TM9SF2: variants seen among roughly 807,000 people sequenced by gnomAD.
The protein encoded by TM9SF2 is 76 kDa membrane protein.
TM9SF2 carries 13 observed loss-of-function variants against 84.9 expected under a neutral mutation model. The ratio of observed to expected loss-of-function variants is 0.15; its 90% CI spans 0.10 to 0.24. TM9SF2 has a LOEUF of 0.24. TM9SF2 is among the 10% of genes least tolerant of loss of function. The probability of loss-of-function intolerance (pLI) is 1.00; values close to 1 mark genes in which losing one functional copy is unlikely to be tolerated. For missense variants in TM9SF2, 562 were observed against 818.5 expected (o/e 0.69, Z 3.82); for synonymous variants, 273 against 285.8 (o/e 0.96, Z 0.45).
At chr13:99,537,543 A>G (rs1268892292) in intron 5 of TM9SF2, among the ~76,000 whole-genome samples, 196 bp from the exon 6 acceptor site, 1 of 152,228 alleles carries the variant, frequency 6.6e-6, no homozygotes, top group Non-Finnish European at 1.5e-5. Context: ...AAAAACTGTA[A>G]GAAGCATATA....
At chr13:99,527,825 G>A (rs1276119318) in intron 3 of TM9SF2, among the ~76,000 whole-genome samples, 2 of 152,192 alleles carry the variant, frequency 1.3e-5, no homozygotes, top group African/African-American at 4.8e-5. Context: ...ACACGTTTCT[G>A]TATTTAATCC....
chr13:99,531,301 G>T (rs1313573744), intron 4 of TM9SF2, among the ~76,000 whole-genome samples: 3 of 152,190 alleles, frequency 2.0e-5, no homozygotes, highest in Non-Finnish European at 4.4e-5. Context: ...TCTAGAAAGT[G>T]TAAGATGCTT....
intron 2 of TM9SF2, 42 bp from the exon 3 acceptor site, chr13:99,519,994 C>A: frequency 1.3e-6 from 2 of 1,572,624 alleles, no homozygotes; most frequent in Non-Finnish European, 1.7e-6. Flanking sequence ...GATATTTCAT[C>A]GTTCCCTTTT....
Position 99,513,052 on chromosome 13 carries a change from A to G in TM9SF2, c.172-4562A>G, listed in dbSNP as rs142407353. On this transcript the variant is annotated intron_variant, in intron 1 of 16. Coordinates refer to ENST00000376387, the MANE Select transcript of TM9SF2 (RefSeq NM_004800.3). Reference sequence around the variant, plus strand: ...AATTTGCTCAAGGACAAATTGAGAAAGTATATCTGAAGAGAAACAGTTACC... The same window carrying G: ...AATTTGCTCAAGGACAAATTGAGAAGGTATATCTGAAGAGAAACAGTTACC... Among the ~76,000 whole-genome samples, 1,422 of 152,364 alleles carry G rather than the reference A, an allele frequency of 9.3e-3. 9 individuals are homozygous for G. Among genetic ancestry groups the G allele is most frequent in the Non-Finnish European group, 0.015 (1,052 of 68,040 alleles).
intron 1 of TM9SF2, among the ~76,000 whole-genome samples, chr13:99,515,862 A>G (rs1467748067): frequency 6.6e-6 from 1 of 151,526 alleles, no homozygotes; most frequent in African/African-American, 2.4e-5. Flanking sequence ...CCTCCCCAGT[A>G]GCTGGGATTA....
chr13:99,549,288 G>A (rs563487736), intron 12 of TM9SF2, 66 bp downstream of exon 12: 16 of 1,333,296 alleles, frequency 1.2e-5, no homozygotes, highest in Middle Eastern at 1.8e-4. Flanking sequence ...ATTTTCAGTC[G>A]TTGAGTCTTT....
chr13:99,501,799 C>T, intron 1 of TM9SF2, 22 bp downstream of exon 1: 7 of 1,594,986 alleles, frequency 4.4e-6, no homozygotes, highest in South Asian at 1.1e-5. Flanking sequence ...CTGACGAGCC[C>T]TCTGATGCAC....
At chr13:99,540,557 C>T (rs1161000976) in intron 7 of TM9SF2, 157 bp from the exon 8 acceptor site, 8 of 266,152 alleles carry the variant, frequency 3.0e-5, no homozygotes, top group South Asian at 2.5e-4. Flanking sequence ...TTTAGTAAAT[C>T]TGAAACTCTC....
intron 1 of TM9SF2, among the ~76,000 whole-genome samples, chr13:99,515,979 G>A (rs1022024928): frequency 1.3e-5 from 2 of 152,178 alleles, no homozygotes; most frequent in South Asian, 2.1e-4. Context: ...TGATCCGCCC[G>A]CCTTGGCCTC....
At chr13:99,540,594 A>T (rs2046254586) in intron 7 of TM9SF2, 120 bp from the exon 8 acceptor site, 2 of 647,100 alleles carry the variant, frequency 3.1e-6, no homozygotes, top group East Asian at 5.7e-5. Flanking sequence ...CCAAAGTTAG[A>T]TAATTTAGAA....
chr13:99,550,087 A>G (rs1292536566), intron 12 of TM9SF2, among the ~76,000 whole-genome samples: 1 of 152,150 alleles, frequency 6.6e-6, no homozygotes, highest in East Asian at 1.9e-4. Flanking sequence ...TTCCTGCAGA[A>G]TCTCCGAATC....
At chr13:99,524,782 C>T (rs1410574155) in intron 3 of TM9SF2, among the ~76,000 whole-genome samples, 4 of 151,848 alleles carry the variant, frequency 2.6e-5, no homozygotes, top group East Asian at 2.0e-4. Context: ...AGGCTGGTCT[C>T]GAACTCCTGA....
intron 15 of TM9SF2, among the ~76,000 whole-genome samples, chr13:99,559,053 A>G (rs1182660815): frequency 6.6e-6 from 1 of 152,230 alleles, no homozygotes; most frequent in Non-Finnish European, 1.5e-5. Context: ...CTATTTGCAC[A>G]TCGCTTTTCT....
At chr13:99,512,565 GCTATGTA>G (rs886432923) in intron 1 of TM9SF2, among the ~76,000 whole-genome samples, 21 of 152,292 alleles carry the variant, frequency 1.4e-4, no homozygotes, top group African/African-American at 4.6e-4. Context: ...CCCCCCGTGG[GCTATGTA>G]CTGAAATGGA....
chr13:99,531,219 ATTC>A (rs1164665310), intron 4 of TM9SF2, among the ~76,000 whole-genome samples: 1 of 152,144 alleles, frequency 6.6e-6, no homozygotes, highest in Non-Finnish European at 1.5e-5. Flanking sequence ...AACCATTGCT[ATTC>A]TTCTGAGTAA....
At chr13:99,503,748 T>C (rs2046077390) in intron 1 of TM9SF2, among the ~76,000 whole-genome samples, 1 of 149,468 alleles carries the variant, frequency 6.7e-6, no homozygotes. Context: ...AGAAGTGACA[T>C]TTGAGATGGA....
intron 1 of TM9SF2, among the ~76,000 whole-genome samples, chr13:99,510,004 T>C (rs1240329298): frequency 2.6e-5 from 4 of 152,240 alleles, no homozygotes; most frequent in Non-Finnish European, 4.4e-5. Context: ...ACCTCTTGAA[T>C]ACTTTGCTGC....
intron 7 of TM9SF2, chr13:99,540,367 AATT>A (rs1453052057): frequency 6.4e-6 from 1 of 156,554 alleles, no homozygotes; most frequent in East Asian, 1.8e-4. Context: ...AGAAAAGAAT[AATT>A]ATTCCATTCC....
intron 1 of TM9SF2, among the ~76,000 whole-genome samples, chr13:99,502,000 TC>T (rs905176952): frequency 1.7e-4 from 26 of 152,340 alleles, no homozygotes; most frequent in African/African-American, 5.8e-4. Flanking sequence ...CAGACTCGCC[TC>T]CCGTCTTGCG....
Sources: gnomAD v4.1 joint callset for allele counts (sites outside exome capture counted in the v4.1 genomes callset) on GRCh38, gnomAD v4.1.1 for gene constraint, MANE v1.5 for transcripts, NCBI Gene and HGNC (gene_info 2026-07-23, HGNC 2026-07-21) for gene names.